Variants in FXR1 observed in about 807,000 individuals in gnomAD.
FXR1 encodes FMR1 autosomal homolog 1, also known as RNA-binding protein FXR1.
Under a neutral mutation model 84.0 loss-of-function variants are expected in FXR1, and 15 were observed. That is an observed-to-expected ratio of 0.18 (90% CI 0.12 to 0.27). The LOEUF (loss-of-function observed/expected upper bound fraction) is 0.27. FXR1 is among the 10% of genes least tolerant of loss of function. The pLI is 1.00. For missense variants in FXR1, 480 were observed against 774.4 expected, an observed-to-expected ratio of 0.62 and a Z score of 4.51; for synonymous variants, 245 against 250.7, an observed-to-expected ratio of 0.98 and a Z score of 0.21.
At chr3:180,972,212 C>T (rs1713672273) in intron 15 of FXR1, among the ~76,000 whole-genome samples, 1 of 152,064 alleles carries the variant, frequency 6.6e-6, no homozygotes, top group Non-Finnish European at 1.5e-5. Flanking sequence ...ACCTGTAATC[C>T]CAGCACTTTG....
rs749758261 is a variant in FXR1, at chr3:180,968,267, A to G, written c.1402+13A>G. On this transcript the variant is annotated intron_variant, in intron 14 of 16. Coordinates refer to ENST00000357559, the MANE Select transcript of FXR1 (RefSeq NM_005087.4). ...TCCATCAGTTCTGGTAGTCTTTTCT[A>G]TACTCTGTCAGCATCCATTATTTGT... The G allele has an allele frequency of 3.4e-5, 52 of 1,512,416 alleles. No homozygotes were observed. Among genetic ancestry groups the G allele is most frequent in the South Asian group, 2.7e-4 (24 of 89,028 alleles). The allele number at this position is 1,512,416 out of a possible 1,614,324, so 93.7% of individuals were successfully genotyped here.
At chr3:180,926,925 A>G (rs891108258) in intron 1 of FXR1, among the ~76,000 whole-genome samples, 4 of 152,122 alleles carry the variant, frequency 2.6e-5, no homozygotes, top group Non-Finnish European at 5.9e-5. Flanking sequence ...TGGGTTTATT[A>G]GGAATGTTCC....
intron 1 of FXR1, among the ~76,000 whole-genome samples, chr3:180,931,172 T>TA (rs1719852091): frequency 6.6e-6 from 1 of 152,082 alleles, no homozygotes; most frequent in Non-Finnish European, 1.5e-5. Flanking sequence ...GAGGATTAAT[T>TA]AATAAATATC....
intron 3 of FXR1, among the ~76,000 whole-genome samples, chr3:180,946,228 A>G (rs1721682221): frequency 1.3e-5 from 2 of 152,202 alleles, no homozygotes; most frequent in African/African-American, 4.8e-5. Context: ...AACTGTATGA[A>G]CATTAACAGT....
At chr3:180,913,602 CG>C (rs1289073533) in intron 1 of FXR1, among the ~76,000 whole-genome samples, 14 of 152,028 alleles carry the variant, frequency 9.2e-5, no homozygotes, top group Non-Finnish European at 1.8e-4. Flanking sequence ...GGCTGAAAAA[CG>C]TAAGAGGAAT....
chr3:180,947,017 A>G (rs866616880), intron 3 of FXR1, among the ~76,000 whole-genome samples: 6 of 152,146 alleles, frequency 3.9e-5, no homozygotes, highest in Admixed American at 1.3e-4. Context: ...ATATTTATAG[A>G]TATAAAGAAT....
rs750629581 is a variant in FXR1, at chr3:180,963,035, G to A, written c.1143G>A (p.Arg381=). 11 of 1,608,812 alleles carry A rather than the reference G, an allele frequency of 6.8e-6. No individual in the cohort carries two copies. Among genetic ancestry groups the A allele is most frequent in the Non-Finnish European group, 8.5e-6 (10 of 1,175,436 alleles). The part of the protein sequence containing the change: ...IDEQLRQIGS[R]SYSGRGRGRR... ...CCGTCTCTTCTGTACAAGGTTCTAG[G>A]TCTTATAGCGGAAGAGGCAGAGGTC... The change falls in exon 13 of 17, where the codon AGG becomes AGA. Residue 381 remains arginine, a synonymous_variant. Coordinates refer to ENST00000357559, the MANE Select transcript of FXR1 (RefSeq NM_005087.4).
intron 9 of FXR1, among the ~76,000 whole-genome samples, chr3:180,957,191 G>GA (rs11390586): frequency 0.24 from 36,335 of 152,034 alleles, 4,526 homozygotes; most frequent in African/African-American, 0.31. Context: ...GTTAAGTGTA[G>GA]AAAGTTAAAT....
intron 1 of FXR1, among the ~76,000 whole-genome samples, chr3:180,922,244 C>A (rs2108427538): frequency 6.6e-6 from 1 of 152,238 alleles, no homozygotes; most frequent in African/African-American, 2.4e-5. Context: ...TGAAAGATTG[C>A]TTTCCAAAAA....
At chr3:180,924,553 A>AT (rs1718948971) in intron 1 of FXR1, among the ~76,000 whole-genome samples, 1 of 152,218 alleles carries the variant, frequency 6.6e-6, no homozygotes, top group Non-Finnish European at 1.5e-5. Flanking sequence ...AGGTGTCAGT[A>AT]AACTATGGGT....
chr3:180,941,488 T>C (rs1721113884), intron 3 of FXR1, among the ~76,000 whole-genome samples: 1 of 152,198 alleles, frequency 6.6e-6, no homozygotes, highest in African/African-American at 2.4e-5. Context: ...TCTAATTCAG[T>C]ATTTTATTTA....
At chr3:180,912,842 G>C in intron 1 of FXR1, 106 bp downstream of exon 1, 23 of 1,597,288 alleles carry the variant, frequency 1.4e-5, no homozygotes, top group Non-Finnish European at 1.9e-5. Context: ...AAGGCAGCCA[G>C]GCCAAAGCTC....
intron 3 of FXR1, among the ~76,000 whole-genome samples, chr3:180,939,689 A>G (rs1720918117): frequency 6.6e-6 from 1 of 152,186 alleles, no homozygotes; most frequent in Non-Finnish European, 1.5e-5. Flanking sequence ...AGCTTGTCCA[A>G]GGTTAGTCTG....
At chr3:180,937,817 T>C (rs1720696728) in intron 3 of FXR1, among the ~76,000 whole-genome samples, 1 of 152,180 alleles carries the variant, frequency 6.6e-6, no homozygotes, top group Non-Finnish European at 1.5e-5. Context: ...TAAAGCTTAA[T>C]GTAAAAAATG....
chr3:180,940,685 T>C (rs1182653348), intron 3 of FXR1, among the ~76,000 whole-genome samples: 1 of 151,628 alleles, frequency 6.6e-6, no homozygotes, highest in African/African-American at 2.4e-5. Flanking sequence ...CAAGTGATTC[T>C]CCTGCCTCAG....
chr3:180,964,229 T>C (rs1712506499), intron 13 of FXR1, among the ~76,000 whole-genome samples: 2 of 152,200 alleles, frequency 1.3e-5, no homozygotes, highest in South Asian at 4.1e-4. Flanking sequence ...CAGACTATTA[T>C]TATATTTCTG....
In FXR1 at chr3:180,958,367, T is replaced by G. The variant is rs117422607; in HGVS notation, c.990+439T>G. Among the ~76,000 whole-genome samples the G allele has an allele frequency of 3.5e-3, 528 of 152,214 alleles. 7 individuals are homozygous for G. Among genetic ancestry groups the G allele is most frequent in the East Asian group, 0.03 (155 of 5,164 alleles). ...ACTGTACACTGTATCCAATATGTAGTCTTTTATCTCTCACCCCCCTCCCAA... is the reference window on the plus strand; with the variant it reads ...ACTGTACACTGTATCCAATATGTAGGCTTTTATCTCTCACCCCCCTCCCAA... On this transcript the variant is annotated intron_variant, in intron 10 of 16. Transcript: ENST00000357559.
chr3:180,951,956 A>C (rs1163155966), intron 8 of FXR1, among the ~76,000 whole-genome samples: 2 of 152,200 alleles, frequency 1.3e-5, no homozygotes, highest in African/African-American at 4.8e-5. Context: ...AGTCCCAGCT[A>C]CTTGGGAATC....
Position 180,982,649 on chromosome 3 carries a change from AAAAATTTTCTTTT to A in FXR1, c.*6360_*6372del, listed in dbSNP as rs1714667717. 1 of 152,196 alleles carries A rather than the reference AAAAATTTTCTTTT, an allele frequency of 6.6e-6. No individual in the cohort carries two copies. The highest frequency in any genetic ancestry group is 2.4e-5 in the African/African-American group (1 of 41,470). 9.4% of individuals were successfully genotyped at this position (152,196 alleles called of 1,614,324 possible). A position where few individuals can be genotyped will look rare whatever the true frequency, so the allele number is the denominator to read the frequency against. ...GGCATATTATCACTATCTGTCTTTG[AAAAATTTTCTTTT>A]AAGTCTCAACTATTTCTTCATAAAG... On this transcript the variant is annotated 3_prime_UTR_variant, in exon 17 of 17. Transcript: ENST00000357559.
Sources: allele counts gnomAD v4.1 joint callset (sites outside exome capture counted in the v4.1 genomes callset), GRCh38; gene constraint gnomAD v4.1.1; transcripts MANE v1.5; gene names NCBI Gene and HGNC (gene_info 2026-07-23, HGNC 2026-07-21).